VAV3: variants seen among roughly 807,000 people sequenced by gnomAD.
The protein encoded by VAV3 is vav guanine nucleotide exchange factor 3.
Under a neutral mutation model 131.2 loss-of-function variants are expected in VAV3, and 94 were observed. The ratio of observed to expected loss-of-function variants is 0.72; its 90% CI spans 0.61 to 0.85. The LOEUF (loss-of-function observed/expected upper bound fraction) is 0.85. VAV3 is among the 40% of genes least tolerant of loss of function. The pLI is 0.00. For missense variants in VAV3, 939 were observed against 1,002.7 expected, an observed-to-expected ratio of 0.94 and a Z score of 0.86; for synonymous variants, 349 against 342.0, an observed-to-expected ratio of 1.02 and a Z score of -0.22.
chr1:107,788,246 C>T (rs1570955165), intron 2 of VAV3, among the ~76,000 whole-genome samples: 1 of 152,000 alleles, frequency 6.6e-6, no homozygotes, highest in Non-Finnish European at 1.5e-5. Context: ...ATCATACCAC[C>T]ATTACCACCA....
At chr1:107,640,570 G>T (rs1349175996) in intron 20 of VAV3, among the ~76,000 whole-genome samples, 3 of 152,108 alleles carry the variant, frequency 2.0e-5, no homozygotes, top group African/African-American at 7.2e-5. Flanking sequence ...TATAGTGATA[G>T]TTTCACTTAT....
At chr1:107,709,784 A>G (rs886829606) in intron 15 of VAV3, among the ~76,000 whole-genome samples, 2 of 152,136 alleles carry the variant, frequency 1.3e-5, no homozygotes, top group Admixed American at 6.6e-5. Flanking sequence ...GCCATGTGAG[A>G]AAGGACGTGT....
At chr1:107,948,314 G>A (rs1298907218) in intron 1 of VAV3, among the ~76,000 whole-genome samples, 1 of 116,756 alleles carries the variant, frequency 8.6e-6, no homozygotes, top group Non-Finnish European at 2.0e-5. Context: ...AGTACTTCCT[G>A]ATATTGTAAA....
At chr1:107,815,145 G>GAATCACCT (rs1394693260) in intron 2 of VAV3, among the ~76,000 whole-genome samples, 1 of 152,174 alleles carries the variant, frequency 6.6e-6, no homozygotes, top group Admixed American at 6.5e-5. Flanking sequence ...CTGTGTATCT[G>GAATCACCT]AATCACCTTC....
chr1:107,867,822 C>G (rs1033650310), intron 2 of VAV3, among the ~76,000 whole-genome samples: 6 of 152,100 alleles, frequency 3.9e-5, no homozygotes, highest in Admixed American at 3.3e-4. Flanking sequence ...ATCCCAAATG[C>G]CGCTCTGAGA....
chr1:107,892,675 T>G (rs547323516), intron 1 of VAV3, among the ~76,000 whole-genome samples: 16 of 152,314 alleles, frequency 1.1e-4, no homozygotes, highest in African/African-American at 3.8e-4. Flanking sequence ...ATAAATTTGC[T>G]ACATCAATAT....
Position 107,751,147 on chromosome 1 carries a change from G to A in VAV3, c.1229C>T (p.Thr410Ile), listed in dbSNP as rs780546434. The change falls in exon 13 of 27, where the codon ACC becomes ATC. Residue 410 changes from threonine (T) to isoleucine (I), a missense_variant. Thr to Ile is a moderately conservative substitution (Grantham distance 89, BLOSUM62 -1). Coordinates refer to ENST00000370056, the MANE Select transcript of VAV3 (RefSeq NM_006113.5). ...TTGTTTGGTATGCTTGTCTAGAGTGGTTATTCGAATTTCACCATCTCCCTG... is the reference window on the plus strand; with the variant it reads ...TTGTTTGGTATGCTTGTCTAGAGTGATTATTCGAATTTCACCATCTCCCTG... ...RPQGDGEIRI[T>I]TLDKHTKQER... 6.2e-7 allele frequency: 1 copy of A among 1,612,812 alleles called. No homozygotes were observed. The highest frequency in any genetic ancestry group is 1.1e-5 in the South Asian group (1 of 90,746).
chr1:107,926,313 C>A (rs1396635449), intron 1 of VAV3, among the ~76,000 whole-genome samples: 4 of 151,928 alleles, frequency 2.6e-5, no homozygotes, highest in Non-Finnish European at 5.9e-5. Context: ...CAAAAAGAAT[C>A]AACAAGGGGC....
chr1:107,933,412 T>C (rs915993157), intron 1 of VAV3, among the ~76,000 whole-genome samples: 1 of 152,160 alleles, frequency 6.6e-6, no homozygotes, highest in African/African-American at 2.4e-5. Context: ...ATTCTGAATA[T>C]AAATGTCCTC....
intron 2 of VAV3, among the ~76,000 whole-genome samples, chr1:107,784,021 C>A (rs752470340): frequency 1.3e-5 from 2 of 151,844 alleles, no homozygotes; most frequent in Non-Finnish European, 2.9e-5. Context: ...GATAGTGCCA[C>A]TGCACTCCAG....
At chr1:107,769,457 T>G (rs951290838) in intron 6 of VAV3, among the ~76,000 whole-genome samples, 1 of 152,216 alleles carries the variant, frequency 6.6e-6, no homozygotes, top group East Asian at 1.9e-4. Context: ...AATGCTTGCA[T>G]ACTTTCACTT....
chr1:107,639,538 A>G (rs771453405), intron 20 of VAV3, among the ~76,000 whole-genome samples: 3 of 152,222 alleles, frequency 2.0e-5, no homozygotes, highest in Non-Finnish European at 2.9e-5. Flanking sequence ...CTTCACCAGC[A>G]AAGTTATATA....
Position 107,617,607 on chromosome 1 carries a change from A to G in VAV3, c.1940T>C (p.Val647Ala), listed in dbSNP as rs576499843. Residue 647 changes from valine to alanine, a missense_variant, in exon 21 of 27, where the codon GTT becomes GCT. By Grantham distance (64) the Val-to-Ala change is moderately conservative (BLOSUM62 0). Transcript: ENST00000370056. ...GACTGCATCACTTGGAAAAAATCCA[A>G]CCTCTCCAGATGCTAAATTTCTGCC... Reference protein sequence around the residue: ...WQGRNLASGEVGFFPSDAVKP... With the variant: ...WQGRNLASGEAGFFPSDAVKP... 9 of 1,612,076 alleles carry G rather than the reference A, an allele frequency of 5.6e-6. No homozygotes were observed. Among genetic ancestry groups the G allele is most frequent in the South Asian group, 5.5e-5 (5 of 90,924 alleles).
At chr1:107,777,106 A>T in intron 4 of VAV3, 125 bp downstream of exon 4, 2 of 822,408 alleles carry the variant, frequency 2.4e-6, no homozygotes, top group Non-Finnish European at 4.1e-6. Flanking sequence ...TCGCCAGTTT[A>T]AGGTTAATCA....
At chr1:107,840,793 G>C (rs1668668288) in intron 2 of VAV3, among the ~76,000 whole-genome samples, 1 of 152,172 alleles carries the variant, frequency 6.6e-6, no homozygotes, top group Non-Finnish European at 1.5e-5. Flanking sequence ...AAACTGTCTA[G>C]TTGGCAACAG....
intron 22 of VAV3, among the ~76,000 whole-genome samples, chr1:107,607,207 C>G (rs1652350397): frequency 6.6e-6 from 1 of 152,200 alleles, no homozygotes; most frequent in East Asian, 1.9e-4. Context: ...CCACTTCGGC[C>G]TCCCAAAGTG....
chr1:107,603,209 G>T, intron 22 of VAV3, 46 bp from the exon 23 acceptor site: 1 of 1,409,730 alleles, frequency 7.1e-7, no homozygotes, highest in Non-Finnish European at 1.0e-6. Context: ...ATACCTGGAA[G>T]AGAACAGAGG....
intron 2 of VAV3, among the ~76,000 whole-genome samples, chr1:107,829,633 GT>G (rs1322192257): frequency 2.0e-5 from 3 of 151,972 alleles, no homozygotes; most frequent in Non-Finnish European, 4.4e-5. Context: ...GGCAGCTGCA[GT>G]CACAAGTAGC....
chr1:107,680,887 A>G (rs897614068), intron 19 of VAV3, among the ~76,000 whole-genome samples: 3 of 152,198 alleles, frequency 2.0e-5, no homozygotes, highest in Admixed American at 1.3e-4. Flanking sequence ...GCTCAGAGCC[A>G]TGCTTCCCAC....
Sources: allele counts gnomAD v4.1 joint callset (sites outside exome capture counted in the v4.1 genomes callset), GRCh38; gene constraint gnomAD v4.1.1; transcripts MANE v1.5; gene names NCBI Gene and HGNC (gene_info 2026-07-23, HGNC 2026-07-21).